RABGAP1L: variants seen among roughly 807,000 people sequenced by gnomAD.
RABGAP1L encodes RAB GTPase activating protein 1 like.
A neutral mutation model predicts 137.7 loss-of-function variants in RABGAP1L; 63 were observed. The ratio of observed to expected loss-of-function variants is 0.46; its 90% CI spans 0.37 to 0.56. The LOEUF (loss-of-function observed/expected upper bound fraction) is 0.56, where lower values mean the gene tolerates loss of function less well. Among genes scored for constraint, RABGAP1L ranks in the 20% least tolerant of loss-of-function variants. RABGAP1L has a pLI of 0.00. For missense variants in RABGAP1L, 1,095 were observed against 1,244.0 expected, an observed-to-expected ratio of 0.88 and a Z score of 1.80; for synonymous variants, 431 against 433.7, an observed-to-expected ratio of 0.99 and a Z score of 0.08.
chr1:174,908,220 C>T (rs1298694955), intron 19 of RABGAP1L, among the ~76,000 whole-genome samples: 1 of 151,976 alleles, frequency 6.6e-6, no homozygotes, highest in Non-Finnish European at 1.5e-5. Flanking sequence ...GATTTTAAGC[C>T]CCACTCTCAG....
intron 24 of RABGAP1L, among the ~76,000 whole-genome samples, chr1:174,988,260 A>G (rs1206483195): frequency 6.6e-6 from 1 of 152,156 alleles, no homozygotes; most frequent in African/African-American, 2.4e-5. Flanking sequence ...TTCTTTATGA[A>G]ATGAGGATGA....
At chr1:174,538,392 TA>T in intron 13 of RABGAP1L, among the ~76,000 whole-genome samples, 1 of 152,348 alleles carries the variant, frequency 6.6e-6, no homozygotes, top group Non-Finnish European at 1.5e-5. Flanking sequence ...ATAAACTACG[TA>T]AGAATAATCT....
intron 11 of RABGAP1L, among the ~76,000 whole-genome samples, chr1:174,328,167 T>C (rs533410480): frequency 6.6e-6 from 1 of 151,564 alleles, no homozygotes; most frequent in East Asian, 1.9e-4. Context: ...ATAGAAAAAC[T>C]GAATTTAAAC....
At chr1:174,646,903 G>C (rs1225723113) in intron 14 of RABGAP1L, among the ~76,000 whole-genome samples, 2 of 152,086 alleles carry the variant, frequency 1.3e-5, no homozygotes, top group African/African-American at 4.8e-5. Flanking sequence ...GTGGTTTGTA[G>C]TTCTCCTTGA....
intron 25 of RABGAP1L, among the ~76,000 whole-genome samples, chr1:174,989,620 G>A (rs1671906731): frequency 6.6e-6 from 1 of 152,118 alleles, no homozygotes; most frequent in Non-Finnish European, 1.5e-5. Context: ...AGAATAAAAT[G>A]AGCTTTTCTT....
intron 17 of RABGAP1L, among the ~76,000 whole-genome samples, chr1:174,712,085 T>TCAG (rs1680572650): frequency 6.6e-6 from 1 of 152,180 alleles, no homozygotes; most frequent in African/African-American, 2.4e-5. Flanking sequence ...AACACGCCAG[T>TCAG]CAGCACCCTG....
intron 13 of RABGAP1L, among the ~76,000 whole-genome samples, chr1:174,566,782 A>G (rs1424888959): frequency 6.6e-6 from 1 of 152,128 alleles, no homozygotes; most frequent in African/African-American, 2.4e-5. Context: ...TGGGAAAGCA[A>G]GGCCTGGTTA....
At chr1:174,449,127 G>A in intron 13 of RABGAP1L, 1 of 1,613,166 alleles carries the variant, frequency 6.2e-7, no homozygotes, top group South Asian at 1.1e-5. Context: ...TGCACATCCT[G>A]TATGTGTGTG....
intron 18 of RABGAP1L, chr1:174,800,411 G>T: frequency 6.4e-7 from 1 of 1,550,812 alleles, no homozygotes. Context: ...CATGCACGAC[G>T]AGAGGAGCAA....
At chr1:174,378,496 T>C (rs202175918) in intron 12 of RABGAP1L, among the ~76,000 whole-genome samples, 85,039 of 149,500 alleles carry the variant, frequency 0.57, 26,345 homozygotes, top group African/African-American at 0.85. Context: ...TGTGAGATGG[T>C]ATCTCATTGT....
intron 18 of RABGAP1L, among the ~76,000 whole-genome samples, chr1:174,794,356 C>T (rs1448656081): frequency 2.6e-5 from 4 of 152,134 alleles, no homozygotes; most frequent in Non-Finnish European, 4.4e-5. Flanking sequence ...TAAACCCTAA[C>T]CCAGATAAAC....
At chr1:174,458,356 A>G (rs1167264539) in intron 13 of RABGAP1L, among the ~76,000 whole-genome samples, 2 of 151,952 alleles carry the variant, frequency 1.3e-5, no homozygotes, top group African/African-American at 4.8e-5. Flanking sequence ...TTTTCTGTAC[A>G]GAAAAAAATT....
intron 19 of RABGAP1L, among the ~76,000 whole-genome samples, chr1:174,838,433 C>T (rs1204237384): frequency 1.3e-5 from 2 of 152,186 alleles, no homozygotes; most frequent in African/African-American, 4.8e-5. Context: ...ATCTTGACCA[C>T]ATCTCAGAAC....
intron 13 of RABGAP1L, among the ~76,000 whole-genome samples, chr1:174,542,723 G>A (rs1337521013): frequency 6.6e-6 from 1 of 152,030 alleles, no homozygotes; most frequent in African/African-American, 2.4e-5. Context: ...TTACTCTTGT[G>A]GGCATTTAGT....
chr1:174,541,460 G>A (rs1190449689), intron 13 of RABGAP1L, among the ~76,000 whole-genome samples: 1 of 152,028 alleles, frequency 6.6e-6, no homozygotes, highest in Non-Finnish European at 1.5e-5. Flanking sequence ...TTTGAGATAT[G>A]TCCCATCAAT....
intron 17 of RABGAP1L, among the ~76,000 whole-genome samples, chr1:174,751,173 A>G (rs534488702): frequency 6.6e-6 from 1 of 152,206 alleles, no homozygotes; most frequent in Non-Finnish European, 1.5e-5. Context: ...TATTTGGTTT[A>G]TATTTTAACC....
chr1:174,860,285 C>T (rs1166651442), intron 19 of RABGAP1L, among the ~76,000 whole-genome samples: 6 of 151,846 alleles, frequency 4.0e-5, no homozygotes, highest in African/African-American at 7.3e-5. Flanking sequence ...ACTAGGGAGA[C>T]GGAGGTGGAA....
intron 19 of RABGAP1L, among the ~76,000 whole-genome samples, chr1:174,824,816 AT>A (rs1302930457): frequency 3.3e-5 from 5 of 150,692 alleles, no homozygotes; most frequent in Middle Eastern, 3.4e-3. Context: ...CTAAAAAAAA[AT>A]TTTTTTTTTG....
intron 11 of RABGAP1L, among the ~76,000 whole-genome samples, chr1:174,336,519 C>T (rs1430416486): frequency 6.6e-6 from 1 of 152,184 alleles, no homozygotes; most frequent in Non-Finnish European, 1.5e-5. Context: ...TTATGTGTGG[C>T]AGGCACTGGT....
Sources: gnomAD v4.1 joint callset for allele counts (sites outside exome capture counted in the v4.1 genomes callset) on GRCh38, gnomAD v4.1.1 for gene constraint, MANE v1.5 for transcripts, NCBI Gene and HGNC (gene_info 2026-07-23, HGNC 2026-07-21) for gene names.